MIS18A: variants seen among roughly 807,000 people sequenced by gnomAD.
MIS18A encodes MIS18 kinetochore protein A.
MIS18A carries 14 observed loss-of-function variants against 25.0 expected under a neutral mutation model. The ratio of observed to expected loss-of-function variants is 0.56; its 90% CI spans 0.37 to 0.88. MIS18A has a LOEUF of 0.88. Among genes scored for constraint, MIS18A ranks in the 40% least tolerant of loss-of-function variants. The pLI is 0.00. For synonymous variants in MIS18A, 134 were observed against 118.6 expected, an observed-to-expected ratio of 1.13 and a Z score of -0.84; for missense variants, 292 against 290.8, an observed-to-expected ratio of 1.00 and a Z score of -0.03.
At chr21:32,192,552 C>T in the MIS18A span, among the ~76,000 whole-genome samples, 1 of 152,174 alleles carries the variant, frequency 6.6e-6, no homozygotes, top group East Asian at 1.9e-4. Context: ...CCAACTCCAT[C>T]ATCTGGTTAT....
At chr21:32,220,138 C>T in the MIS18A span, among the ~76,000 whole-genome samples, 2 of 152,362 alleles carry the variant, frequency 1.3e-5, no homozygotes, top group African/African-American at 2.4e-5. Flanking sequence ...AAGGGACAGG[C>T]TGCCTCCTCA....
At chr21:32,165,238 C>T in the MIS18A span, among the ~76,000 whole-genome samples, 1 of 152,112 alleles carries the variant, frequency 6.6e-6, no homozygotes, top group Admixed American at 6.6e-5. Flanking sequence ...GAGGCTGACG[C>T]AGGAGAATTG....
downstream of MIS18A, among the ~76,000 whole-genome samples, chr21:32,265,543 T>C (rs1255683456): frequency 1.3e-5 from 2 of 152,250 alleles, no homozygotes; most frequent in African/African-American, 4.8e-5. Flanking sequence ...GCTGGATTTC[T>C]CGCCAGGCCT....
chr21:32,183,224 C>T, the MIS18A span, among the ~76,000 whole-genome samples: 23 of 152,262 alleles, frequency 1.5e-4, no homozygotes, highest in African/African-American at 3.4e-4. Context: ...GTGCCTATCA[C>T]GGACTTCTGC....
chr21:32,246,512 C>G, the MIS18A span, among the ~76,000 whole-genome samples: 2 of 152,144 alleles, frequency 1.3e-5, no homozygotes, highest in East Asian at 3.9e-4. Context: ...CCCCTCAAAT[C>G]TCAAGAAGAG....
At chr21:32,258,028 T>G in the MIS18A span, among the ~76,000 whole-genome samples, 1 of 152,180 alleles carries the variant, frequency 6.6e-6, no homozygotes, top group African/African-American at 2.4e-5. Context: ...AGATAGAGGG[T>G]TCCTGCCAAG....
the MIS18A span, among the ~76,000 whole-genome samples, chr21:32,213,458 T>A: frequency 6.6e-6 from 1 of 152,240 alleles, no homozygotes; most frequent in Non-Finnish European, 1.5e-5. Flanking sequence ...GTACTTTATG[T>A]ACATATATGC....
the MIS18A span, among the ~76,000 whole-genome samples, chr21:32,171,326 AT>A: frequency 6.6e-6 from 1 of 152,114 alleles, no homozygotes; most frequent in African/African-American, 2.4e-5. Context: ...AATATACAAA[AT>A]TCAATTGTAG....
chr21:32,199,444 T>A, the MIS18A span, among the ~76,000 whole-genome samples: 38 of 151,494 alleles, frequency 2.5e-4, no homozygotes, highest in Admixed American at 1.8e-3. Flanking sequence ...AAAAAAAATT[T>A]AAAAAAAAGA....
downstream of MIS18A, among the ~76,000 whole-genome samples, chr21:32,265,318 G>A (rs925472327): frequency 6.6e-6 from 1 of 152,230 alleles, no homozygotes; most frequent in African/African-American, 2.4e-5. Context: ...GCAGCTTGCA[G>A]GGAGGTGTGG....
the MIS18A span, among the ~76,000 whole-genome samples, chr21:32,257,099 A>G: frequency 1.3e-5 from 2 of 152,138 alleles, no homozygotes; most frequent in Non-Finnish European, 1.5e-5. Flanking sequence ...CGCCTGCTCT[A>G]TGGCTGACAT....
intron 2 of MIS18A, among the ~76,000 whole-genome samples, chr21:32,273,115 C>CTTT (rs879786505): frequency 3.0e-5 from 4 of 134,410 alleles, no homozygotes; most frequent in African/African-American, 1.1e-4. Context: ...AACTTTTTTT[C>CTTT]TTTTTTTTTT....
chr21:32,183,306 C>T, the MIS18A span, among the ~76,000 whole-genome samples: 1 of 152,202 alleles, frequency 6.6e-6, no homozygotes, highest in East Asian at 1.9e-4. Context: ...ACACAAAGTA[C>T]CTAGACAACC....
In MIS18A at chr21:32,271,159, G is replaced by C. The variant is rs543962295; in HGVS notation, c.402-630C>G. On this transcript the variant is annotated intron_variant, in intron 2 of 4. Transcript: ENST00000290130. ...GCCTATTCATGTCTCCTTAAAACCT[G>C]GCTTAGAATCCAGTGTCTCCCAAAC... 2.6e-5 allele frequency among the ~76,000 whole-genome samples: 4 copies of C among 152,230 alleles called. No homozygotes were observed. The East Asian group carries it at 5.8e-4, about 22-fold the overall frequency.
At chr21:32,261,385 G>A in the MIS18A span, 1 of 152,242 alleles carries the variant, frequency 6.6e-6, no homozygotes, top group African/African-American at 2.4e-5. Flanking sequence ...GGCAAAGTCA[G>A]TGCGGTTAAA....
the MIS18A span, among the ~76,000 whole-genome samples, chr21:32,177,733 C>T: frequency 6.6e-6 from 1 of 151,898 alleles, no homozygotes; most frequent in African/African-American, 2.4e-5. Context: ...TTTTTCTATA[C>T]AGAAACTACA....
the MIS18A span, among the ~76,000 whole-genome samples, chr21:32,238,989 G>A: frequency 2.6e-4 from 39 of 152,208 alleles, 1 homozygote; most frequent in South Asian, 3.9e-3. Flanking sequence ...TAAGAGATAC[G>A]GATTCCACCT....
Position 32,269,755 on chromosome 21 carries a change from C to T in MIS18A, c.573G>A (p.Glu191=), listed in dbSNP as rs1170595671. The stretch of plus-strand genomic sequence containing the variant: ...CAACTCTGCTTTCAAGATTAAAAAG[C>T]TCTTTATCTTCTGACACAATTTGCT... ...SEKQIVSEDK[E]LFNLESRVEI... Residue 191 remains glutamate, a synonymous_variant, in exon 4 of 5, where the codon GAG becomes GAA. Coordinates refer to ENST00000290130, the MANE Select transcript of MIS18A (RefSeq NM_018944.3). The T allele has an allele frequency of 1.9e-6, 3 of 1,611,732 alleles. No homozygotes were observed. Among genetic ancestry groups the T allele is most frequent in the Non-Finnish European group, 2.5e-6 (3 of 1,177,930 alleles).
At chr21:32,278,487 CCA>C (rs984216901) in intron 1 of MIS18A, 192 bp downstream of exon 1, 1 of 594,892 alleles carries the variant, frequency 1.7e-6, no homozygotes, top group African/African-American at 1.9e-5. Context: ...AGAAAAGAAC[CCA>C]CCGCCCGAGA....
Sources: allele counts gnomAD v4.1 joint callset (sites outside exome capture counted in the v4.1 genomes callset), GRCh38; gene constraint gnomAD v4.1.1; transcripts MANE v1.5; gene names NCBI Gene and HGNC (gene_info 2026-07-23, HGNC 2026-07-21).